The following TSPAN5 variants were observed in gnomAD, a reference collection of about 807,000 sequenced individuals.
TSPAN5 encodes the protein tetraspanin 5.
In TSPAN5, 10 loss-of-function variants were observed where a neutral mutation model predicts 37.1. That is an observed-to-expected ratio of 0.27 (90% CI 0.17 to 0.46). The LOEUF is 0.46. Among genes scored for constraint, TSPAN5 ranks in the 20% least tolerant of loss-of-function variants. The pLI, the probability that TSPAN5 is intolerant of heterozygous loss-of-function variation, is 1.00. For missense variants in TSPAN5, 195 were observed against 326.6 expected, an observed-to-expected ratio of 0.60 and a Z score of 3.11; for synonymous variants, 110 against 118.9, an observed-to-expected ratio of 0.93 and a Z score of 0.48.
intron 1 of TSPAN5, among the ~76,000 whole-genome samples, chr4:98,562,662 AAAAC>A (rs1257513821): frequency 9.1e-6 from 1 of 110,308 alleles, no homozygotes; most frequent in Non-Finnish European, 1.7e-5. Flanking sequence ...TCTGTCTCAA[AAAAC>A]AAAACAAAAC....
At chr4:98,479,892 T>C (rs955566323) in intron 4 of TSPAN5, among the ~76,000 whole-genome samples, 1 of 152,242 alleles carries the variant, frequency 6.6e-6, no homozygotes, top group African/African-American at 2.4e-5. Flanking sequence ...TGCATACAGA[T>C]GTTATGTTAA....
intron 3 of TSPAN5, chr4:98,482,914 T>C (rs189779515): frequency 6.6e-6 from 1 of 152,156 alleles, no homozygotes; most frequent in East Asian, 1.9e-4. Flanking sequence ...CCGCTTAATG[T>C]AGACAACAGG....
At chr4:98,632,582 C>T (rs1235335016) in intron 1 of TSPAN5, among the ~76,000 whole-genome samples, 1 of 152,164 alleles carries the variant, frequency 6.6e-6, no homozygotes, top group Non-Finnish European at 1.5e-5. Flanking sequence ...GAAAACCCTG[C>T]CCTGAGTGTG....
intron 1 of TSPAN5, among the ~76,000 whole-genome samples, chr4:98,589,348 C>T (rs539025468): frequency 6.6e-6 from 1 of 152,274 alleles, no homozygotes; most frequent in African/African-American, 2.4e-5. Flanking sequence ...GGAAGCATGA[C>T]TGAGACCCAG....
intron 1 of TSPAN5, among the ~76,000 whole-genome samples, chr4:98,554,310 A>T (rs577599163): frequency 6.6e-6 from 1 of 152,320 alleles, no homozygotes; most frequent in Admixed American, 6.5e-5. Context: ...CGGTGTTTTT[A>T]AAAATAGGAA....
At chr4:98,608,115 C>T (rs75161174) in intron 1 of TSPAN5, among the ~76,000 whole-genome samples, 2,653 of 152,240 alleles carry the variant, frequency 0.017, 40 homozygotes, top group South Asian at 0.054. Context: ...TAGCATAACA[C>T]GCTAGACATA....
chr4:98,525,645 C>T (rs545537241), intron 1 of TSPAN5, among the ~76,000 whole-genome samples: 3 of 151,506 alleles, frequency 2.0e-5, no homozygotes, highest in South Asian at 2.1e-4. Flanking sequence ...GGTGAGATCT[C>T]GGCTCACTGC....
chr4:98,516,518 G>A (rs937792102), intron 1 of TSPAN5, among the ~76,000 whole-genome samples: 8 of 152,154 alleles, frequency 5.3e-5, no homozygotes, highest in African/African-American at 7.2e-5. Context: ...TTAAGTAAGC[G>A]CCTCTCATCT....
At chr4:98,543,519 G>A (rs1699062053) in intron 1 of TSPAN5, among the ~76,000 whole-genome samples, 1 of 151,514 alleles carries the variant, frequency 6.6e-6, no homozygotes, top group Non-Finnish European at 1.5e-5. Flanking sequence ...TGGTTGAAGC[G>A]ATTCTCCTGC....
intron 1 of TSPAN5, among the ~76,000 whole-genome samples, chr4:98,533,939 TA>T (rs1194318640): frequency 0.017 from 524 of 31,146 alleles, 20 homozygotes; most frequent in African/African-American, 0.07. Flanking sequence ...TTGTTGATCT[TA>T]AAAAAAAAAA....
intron 1 of TSPAN5, among the ~76,000 whole-genome samples, chr4:98,638,212 A>C (rs1169970363): frequency 6.6e-6 from 1 of 152,176 alleles, no homozygotes; most frequent in Non-Finnish European, 1.5e-5. Flanking sequence ...ACGCTCAAAA[A>C]TCAAGCACTC....
At chr4:98,474,030 GCA>G (rs1363323443) in intron 7 of TSPAN5, among the ~76,000 whole-genome samples, 2 of 152,096 alleles carry the variant, frequency 1.3e-5, no homozygotes, top group Non-Finnish European at 2.9e-5. Flanking sequence ...ATCATTTTCA[GCA>G]CAGTTTTAAA....
chr4:98,592,572 G>A (rs923180630), intron 1 of TSPAN5, among the ~76,000 whole-genome samples: 2 of 143,862 alleles, frequency 1.4e-5, no homozygotes, highest in African/African-American at 5.2e-5. Flanking sequence ...ATCTCCCAAT[G>A]CTATCCCTCC....
chr4:98,549,572 T>TA (rs148067455), intron 1 of TSPAN5, among the ~76,000 whole-genome samples: 3,318 of 152,254 alleles, frequency 0.022, 125 homozygotes, highest in African/African-American at 0.075. Flanking sequence ...GTACTGGGGT[T>TA]ACAGGTATGA....
At chr4:98,653,001 A>G (rs1757223688) in intron 1 of TSPAN5, among the ~76,000 whole-genome samples, 2 of 152,142 alleles carry the variant, frequency 1.3e-5, no homozygotes, top group African/African-American at 4.8e-5. Context: ...CCTATATTCA[A>G]TTACTTTCCC....
intron 1 of TSPAN5, among the ~76,000 whole-genome samples, chr4:98,526,283 T>C (rs529768126): frequency 1.9e-4 from 29 of 152,296 alleles, no homozygotes; most frequent in African/African-American, 5.5e-4. Context: ...CTAATGTCAT[T>C]CTTTTTCACA....
chr4:98,632,503 A>C lies in TSPAN5; in HGVS notation c.81+25643T>G, dbSNP rs138988116. The stretch of plus-strand genomic sequence containing the variant: ...TTGAAAGTGAAAGGGGACACTATTA[A>C]TAAATTACATGGGGACTTCAGGGGT... On this transcript the variant is annotated intron_variant, in intron 1 of 7. Coordinates refer to ENST00000305798, the MANE Select transcript of TSPAN5 (RefSeq NM_005723.4). 6.0e-4 allele frequency among the ~76,000 whole-genome samples: 91 copies of C among 152,280 alleles called. 1 individual carries two copies. In the East Asian group the frequency reaches 0.017, roughly 29 times the overall value.
intron 1 of TSPAN5, among the ~76,000 whole-genome samples, chr4:98,641,503 G>C (rs1756961788): frequency 6.6e-6 from 1 of 152,174 alleles, no homozygotes. Flanking sequence ...TCATTCCAAA[G>C]CATGAGAGTA....
chr4:98,603,305 A>G (rs1227430513), intron 1 of TSPAN5, among the ~76,000 whole-genome samples: 1 of 152,134 alleles, frequency 6.6e-6, no homozygotes, highest in Non-Finnish European at 1.5e-5. Context: ...AAATACAGAC[A>G]TCCTTTGCTG....
Sources: allele counts gnomAD v4.1 joint callset (sites outside exome capture counted in the v4.1 genomes callset), GRCh38; gene constraint gnomAD v4.1.1; transcripts MANE v1.5; gene names NCBI Gene and HGNC (gene_info 2026-07-23, HGNC 2026-07-21).